Variants in PRELID2 observed in about 807,000 individuals in gnomAD.
PRELID2 encodes the protein PRELI domain containing 2, also known as PRELI domain-containing protein 2.
In PRELID2, 25 loss-of-function variants were observed where a neutral mutation model predicts 28.4. The observed-to-expected ratio is 0.88, with a 90% confidence interval of 0.64 to 1.23. The LOEUF (loss-of-function observed/expected upper bound fraction) is 1.23, where lower values mean the gene tolerates loss of function less well. Ranked by LOEUF, PRELID2 falls within the 50% of genes most tolerant of loss-of-function variation. PRELID2 has a pLI of 0.00. For missense variants in PRELID2, 201 were observed against 214.4 expected, an observed-to-expected ratio of 0.94 and a Z score of 0.39; for synonymous variants, 76 against 71.6, an observed-to-expected ratio of 1.06 and a Z score of -0.31.
rs200101362 is a variant in PRELID2 at position 145,533,293 on chromosome 5, TC to T, written n.71-59979del. Among the ~76,000 whole-genome samples the T allele has an allele frequency of 4.6e-3, 701 of 152,068 alleles. 7 individuals are homozygous for T. Among genetic ancestry groups the T allele is most frequent in the African/African-American group, 0.015 (635 of 41,512 alleles). ...GCTGATGGGGAGTTCTATTTCTCAG[TC>T]CCGATGCTAGCACCAAAACAGTATA... On this transcript the variant is annotated intron_variant and non_coding_transcript_variant, in intron 1 of 2. Coordinates refer to the PRELID2 transcript ENST00000510259.
At chr5:145,807,234 T>C (rs1239782460) in intron 4 of PRELID2, among the ~76,000 whole-genome samples, 1 of 152,182 alleles carries the variant, frequency 6.6e-6, no homozygotes, top group Non-Finnish European at 1.5e-5. Context: ...TAGACTGAAA[T>C]GTTGTAGGCA....
the PRELID2 span, among the ~76,000 whole-genome samples, chr5:145,418,420 C>G: frequency 6.6e-6 from 1 of 152,054 alleles, no homozygotes; most frequent in East Asian, 1.9e-4. Flanking sequence ...CAAAAAATAG[C>G]CCAGATAGCC....
At chr5:145,532,205 A>C (rs1752659763) in intron 1 of PRELID2, among the ~76,000 whole-genome samples, 1 of 152,154 alleles carries the variant, frequency 6.6e-6, no homozygotes, top group African/African-American at 2.4e-5. Flanking sequence ...CAGACCATTC[A>C]TTAGGTGTGT....
chr5:145,316,769 T>C, the PRELID2 span, among the ~76,000 whole-genome samples: 2 of 152,202 alleles, frequency 1.3e-5, no homozygotes, highest in Non-Finnish European at 2.9e-5. Flanking sequence ...ATGAACTCCA[T>C]TTTTTCAGTT....
intron 1 of PRELID2, among the ~76,000 whole-genome samples, chr5:145,529,408 T>A (rs1580969104): frequency 6.6e-6 from 1 of 152,262 alleles, no homozygotes; most frequent in East Asian, 1.9e-4. Flanking sequence ...ATGAGAACAA[T>A]CAGACCAGGA....
At chr5:145,269,943 CTT>C in the PRELID2 span, among the ~76,000 whole-genome samples, 1 of 149,776 alleles carries the variant, frequency 6.7e-6, no homozygotes, top group Non-Finnish European at 1.5e-5. Flanking sequence ...ATATACAACA[CTT>C]GAACAGATAC....
intron 1 of PRELID2, among the ~76,000 whole-genome samples, chr5:145,834,007 C>T (rs1051292198): frequency 2.0e-5 from 3 of 152,178 alleles, no homozygotes; most frequent in South Asian, 4.1e-4. Flanking sequence ...CAGGCCTGGG[C>T]GCTTTCGATT....
At chr5:145,508,003 C>G (rs1008311274) in intron 1 of PRELID2, among the ~76,000 whole-genome samples, 1 of 152,112 alleles carries the variant, frequency 6.6e-6, no homozygotes, top group African/African-American at 2.4e-5. Context: ...GTAGTTAATT[C>G]TCTTATTTTA....
the PRELID2 span, among the ~76,000 whole-genome samples, chr5:145,263,877 A>G: frequency 1.3e-4 from 19 of 150,854 alleles, no homozygotes; most frequent in Admixed American, 3.3e-4. Context: ...AAAGTCCAGG[A>G]CCAGACAGAT....
chr5:145,321,856 T>C, the PRELID2 span, among the ~76,000 whole-genome samples: 1 of 152,214 alleles, frequency 6.6e-6, no homozygotes, highest in African/African-American at 2.4e-5. Flanking sequence ...TAGAAAGCAT[T>C]GCTGTGTCCA....
At chr5:145,415,205 C>T in the PRELID2 span, among the ~76,000 whole-genome samples, 4 of 152,062 alleles carry the variant, frequency 2.6e-5, no homozygotes, top group East Asian at 5.8e-4. Flanking sequence ...AAATGGAAAT[C>T]GAACAACGTG....
the PRELID2 span, among the ~76,000 whole-genome samples, chr5:145,415,478 T>G: frequency 1.4e-5 from 2 of 139,608 alleles, no homozygotes; most frequent in Admixed American, 1.5e-4. Flanking sequence ...CCCCTTCCTG[T>G]GTCCATGTGA....
intron 1 of PRELID2, among the ~76,000 whole-genome samples, chr5:145,591,242 G>A (rs1753222339): frequency 6.6e-6 from 1 of 151,202 alleles, no homozygotes; most frequent in African/African-American, 2.4e-5. Flanking sequence ...ACTACAGTGA[G>A]TCATGTTTAT....
chr5:145,332,539 T>G, the PRELID2 span, among the ~76,000 whole-genome samples: 1 of 152,004 alleles, frequency 6.6e-6, no homozygotes, highest in African/African-American at 2.4e-5. Flanking sequence ...CTGATATCTT[T>G]TCTTCTGCTT....
chr5:145,342,759 T>G, the PRELID2 span, among the ~76,000 whole-genome samples: 1 of 151,446 alleles, frequency 6.6e-6, no homozygotes, highest in Non-Finnish European at 1.5e-5. Context: ...TATAAGGACA[T>G]ACAAGAAACT....
At chr5:145,629,305 T>G (rs183026921) in intron 1 of PRELID2, among the ~76,000 whole-genome samples, 101 of 152,342 alleles carry the variant, frequency 6.6e-4, no homozygotes, top group African/African-American at 2.2e-3. Context: ...TGTGCACATC[T>G]GCATTTGTCT....
intron 1 of PRELID2, among the ~76,000 whole-genome samples, chr5:145,526,507 GC>G (rs1303808842): frequency 6.6e-6 from 1 of 152,128 alleles, no homozygotes; most frequent in East Asian, 1.9e-4. Flanking sequence ...GCCATGAAGA[GC>G]CCAGTATGGC....
At chr5:145,462,332 G>A in the PRELID2 span, among the ~76,000 whole-genome samples, 8 of 152,226 alleles carry the variant, frequency 5.3e-5, no homozygotes, top group African/African-American at 1.9e-4. Flanking sequence ...AGGACATGAT[G>A]TAGGAGCAGT....
chr5:145,577,469 T>C (rs886697121), intron 1 of PRELID2, among the ~76,000 whole-genome samples: 1 of 151,046 alleles, frequency 6.6e-6, no homozygotes, highest in African/African-American at 2.4e-5. Context: ...AAATAAAAAA[T>C]GCAACAGAGA....
Sources: allele counts gnomAD v4.1 joint callset (sites outside exome capture counted in the v4.1 genomes callset), GRCh38; gene constraint gnomAD v4.1.1; transcripts MANE v1.5; gene names NCBI Gene and HGNC (gene_info 2026-07-23, HGNC 2026-07-21).